COL28A1: variants seen among roughly 807,000 people sequenced by gnomAD.
COL28A1 encodes the protein collagen type XXVIII alpha 1 chain, also known as collagen alpha-1(XXVIII) chain.
COL28A1 carries 161 observed loss-of-function variants against 150.2 expected under a neutral mutation model. The ratio of observed to expected loss-of-function variants is 1.07; its 90% CI spans 0.94 to 1.22. The LOEUF is 1.22. Among genes scored for constraint, COL28A1 ranks in the 50% most tolerant of loss-of-function variants. The probability of loss-of-function intolerance (pLI) is 0.00; values close to 1 mark genes in which losing one functional copy is unlikely to be tolerated. For missense variants in COL28A1, 1,617 were observed against 1,388.3 expected (o/e 1.16, Z -2.62); for synonymous variants, 552 against 469.7 (o/e 1.18, Z -2.26).
At chr7:7,367,845 T>C (rs974185462) in intron 33 of COL28A1, among the ~76,000 whole-genome samples, 11 of 151,242 alleles carry the variant, frequency 7.3e-5, no homozygotes, top group African/African-American at 2.4e-4. Context: ...CTGCCTTTTA[T>C]ATTCTCCATC....
At chr7:7,382,067 T>C (rs1314490652) in intron 27 of COL28A1, among the ~76,000 whole-genome samples, 1 of 152,196 alleles carries the variant, frequency 6.6e-6, no homozygotes, top group African/African-American at 2.4e-5. Flanking sequence ...CCCAGCACTT[T>C]GGGAGGCTGA....
chr7:7,453,549 A>G (rs1399890277), intron 16 of COL28A1, 41 bp from the exon 17 acceptor site: 1 of 855,274 alleles, frequency 1.2e-6, no homozygotes, highest in Non-Finnish European at 2.0e-6. Flanking sequence ...AGTGAAATGA[A>G]GTAGTTTCAA....
At chr7:7,494,536 T>C (rs570573018) in intron 11 of COL28A1, among the ~76,000 whole-genome samples, 1 of 152,348 alleles carries the variant, frequency 6.6e-6, no homozygotes, top group South Asian at 2.1e-4. Flanking sequence ...CTGCAAAACA[T>C]CTAAGTCATA....
At chr7:7,522,178 G>C (rs900376635) in intron 4 of COL28A1, 1 of 580,172 alleles carries the variant, frequency 1.7e-6, no homozygotes, top group Non-Finnish European at 3.2e-6. Flanking sequence ...ATTATTCCAG[G>C]CAAATTTATA....
At chr7:7,455,160 C>T (rs1327857993) in intron 16 of COL28A1, among the ~76,000 whole-genome samples, 1 of 152,200 alleles carries the variant, frequency 6.6e-6, no homozygotes, top group Non-Finnish European at 1.5e-5. Flanking sequence ...AAGCACTATT[C>T]ATTCTTTAAG....
intron 5 of COL28A1, among the ~76,000 whole-genome samples, chr7:7,521,371 C>A (rs766682683): frequency 6.6e-6 from 1 of 152,188 alleles, no homozygotes; most frequent in Non-Finnish European, 1.5e-5. Flanking sequence ...CATAGTCAAT[C>A]CTGCCATTTA....
chr7:7,504,580 C>A (rs1379171277), intron 11 of COL28A1, among the ~76,000 whole-genome samples: 1 of 152,164 alleles, frequency 6.6e-6, no homozygotes, highest in Non-Finnish European at 1.5e-5. Flanking sequence ...CATACCACCA[C>A]AACTGCCAGC....
chr7:7,423,220 A>T (rs940276813), intron 25 of COL28A1, among the ~76,000 whole-genome samples: 4 of 152,198 alleles, frequency 2.6e-5, no homozygotes, highest in African/African-American at 4.8e-5. Flanking sequence ...TGAGGGGAGG[A>T]GTGAAGAATA....
At position 7,443,579 on chromosome 7, in the gene COL28A1, C is replaced by G; in HGVS notation, c.1650+6G>C. On this transcript the variant is annotated splice_donor_region_variant and intron_variant, in intron 20 of 34. Transcript: ENST00000399429. ...GCTGCTTCCACCAACACTGTCATTT[C>G]CATACCTTGGGGCCAGGCTGTCCTT... 6.2e-7 allele frequency: 1 copy of G among 1,614,062 alleles called. No individual in the cohort carries two copies. Among genetic ancestry groups the G allele is most frequent in the Non-Finnish European group, 8.5e-7 (1 of 1,179,994 alleles).
chr7:7,357,489 T>A (rs1478689445), downstream of COL28A1: 1 of 152,096 alleles, frequency 6.6e-6, no homozygotes, highest in African/African-American at 2.4e-5. Context: ...TGAAACTTTG[T>A]CTCTGCTAAG....
rs529653096 is a variant in COL28A1, at chr7:7,464,274, GA to G, written c.1303-8163del. Among the ~76,000 whole-genome samples the G allele has an allele frequency of 8.5e-5, 13 of 152,188 alleles. 1 individual carries two copies. The South Asian group carries it at 2.7e-3, about 32-fold the overall frequency. On this transcript the variant is annotated intron_variant, in intron 15 of 34. Transcript: ENST00000399429. The stretch of plus-strand genomic sequence containing the variant: ...GTCATCGAGACAGAACGTCAACAAA[GA>G]AATAATGGATTTAAACTATACCCTG...
intron 8 of COL28A1, among the ~76,000 whole-genome samples, chr7:7,512,221 C>T (rs191835097): frequency 7.2e-4 from 109 of 152,206 alleles, no homozygotes; most frequent in African/African-American, 2.5e-3. Context: ...TTGGTGGAAA[C>T]TTGGGAAATG....
At position 7,477,101 on chromosome 7, in the gene COL28A1, G is replaced by A. The variant is rs764770982; in HGVS notation, c.1233+11C>T. ...CAAAGCACCTTTTCCTGGTACAGAA[G>A]GTATTGTTACCTTTGGTCCTGGAAA... is the stretch of plus-strand genomic sequence containing the variant. On this transcript the variant is annotated intron_variant, in intron 14 of 34. Coordinates refer to ENST00000399429, the MANE Select transcript of COL28A1 (RefSeq NM_001037763.3). 1.1e-5 allele frequency: 12 copies of A among 1,062,070 alleles called. No individual in the cohort carries two copies. Among genetic ancestry groups the A allele is most frequent in the East Asian group, 2.4e-5 (1 of 42,502 alleles). 65.8% of individuals were successfully genotyped at this position (1,062,070 alleles called of 1,614,324 possible). A position where few individuals can be genotyped will look rare whatever the true frequency, so the allele number is the denominator to read the frequency against.
intron 5 of COL28A1, among the ~76,000 whole-genome samples, chr7:7,520,324 G>A (rs1438960357): frequency 5.9e-5 from 9 of 152,168 alleles, no homozygotes; most frequent in South Asian, 2.1e-4. Context: ...TTGCTCAAAA[G>A]AGAATAATGT....
intron 15 of COL28A1, among the ~76,000 whole-genome samples, chr7:7,459,518 G>A (rs1332629935): frequency 6.6e-6 from 1 of 152,124 alleles, no homozygotes; most frequent in African/African-American, 2.4e-5. Context: ...ATAATTATCT[G>A]CTTAAAGGCT....
At chr7:7,543,250 C>A in the COL28A1 span, among the ~76,000 whole-genome samples, 7 of 152,212 alleles carry the variant, frequency 4.6e-5, no homozygotes, top group Middle Eastern at 3.4e-3. Flanking sequence ...TTGGCATTTT[C>A]CTCTTCTTGA....
At chr7:7,460,450 T>C (rs6955328) in intron 15 of COL28A1, among the ~76,000 whole-genome samples, 1 of 152,008 alleles carries the variant, frequency 6.6e-6, no homozygotes, top group Non-Finnish European at 1.5e-5. Flanking sequence ...GGTGCAATCT[T>C]GGCTCACTGC....
intron 27 of COL28A1, 63 bp from the exon 28 acceptor site, chr7:7,381,675 G>T: frequency 8.2e-7 from 1 of 1,219,884 alleles, no homozygotes; most frequent in Non-Finnish European, 1.2e-6. Context: ...CTATTCTTTG[G>T]GTCAGAAACA....
At chr7:7,540,751 C>G (rs892253850), upstream of COL28A1, among the ~76,000 whole-genome samples, 3 of 152,204 alleles carry the variant, frequency 2.0e-5, no homozygotes, top group Non-Finnish European at 4.4e-5. Context: ...AGTCCCAGCA[C>G]ATTAAAGAGT....
Sources: gnomAD v4.1 joint callset for allele counts (sites outside exome capture counted in the v4.1 genomes callset) on GRCh38, gnomAD v4.1.1 for gene constraint, MANE v1.5 for transcripts, NCBI Gene and HGNC (gene_info 2026-07-23, HGNC 2026-07-21) for gene names.